PMM2: variants seen among roughly 807,000 people sequenced by gnomAD.
PMM2 encodes mannose-6-phosphate isomerase.
In PMM2, 35 loss-of-function variants were observed where a neutral mutation model predicts 33.2. That is an observed-to-expected ratio of 1.06 (90% confidence interval 0.81 to 1.40). The LOEUF is 1.40. PMM2 is among the 40% of genes most tolerant of loss of function. The probability of loss-of-function intolerance (pLI) is 0.00; values close to 1 mark genes in which losing one functional copy is unlikely to be tolerated. For synonymous variants in PMM2, 153 were observed against 114.7 expected (o/e 1.33, Z -2.13); for missense variants, 386 against 306.0 (o/e 1.26, Z -1.95).
At chr16:8,831,975 G>A (rs1419839983) in intron 7 of PMM2, 1 of 208,770 alleles carries the variant, frequency 4.8e-6, no homozygotes, top group Non-Finnish European at 8.3e-6. Context: ...CTTGGGAGGT[G>A]GCTGAGTTCC....
At chr16:8,819,071 C>A (rs758847162) in intron 7 of PMM2, among the ~76,000 whole-genome samples, 13 of 152,244 alleles carry the variant, frequency 8.5e-5, no homozygotes, top group Non-Finnish European at 1.6e-4. Context: ...TCATGAATAT[C>A]AAGCAGCTGG....
chr16:8,832,158 G>C, intron 7 of PMM2: 1 of 985,398 alleles, frequency 1.0e-6, no homozygotes, highest in Non-Finnish European at 1.2e-6. Flanking sequence ...CCCCAAGAAG[G>C]CTGCACCCCA....
At chr16:8,836,891 G>C (rs1478482738) in intron 7 of PMM2, among the ~76,000 whole-genome samples, 1 of 152,014 alleles carries the variant, frequency 6.6e-6, no homozygotes, top group Non-Finnish European at 1.5e-5. Context: ...CTTTGACTAT[G>C]CCTTTAGCTC....
intron 7 of PMM2, among the ~76,000 whole-genome samples, chr16:8,827,752 ATATATATATG>A (rs1207826868): frequency 5.0e-5 from 4 of 80,320 alleles, no homozygotes; most frequent in Admixed American, 1.5e-4. Flanking sequence ...ATATATATAT[ATATATATATG>A]CACACATTTA....
intron 7 of PMM2, among the ~76,000 whole-genome samples, chr16:8,840,117 A>C (rs2060880064): frequency 1.3e-5 from 2 of 151,826 alleles, no homozygotes; most frequent in Non-Finnish European, 2.9e-5. Flanking sequence ...CAAAGCCAGC[A>C]GTTGTTCACT....
At chr16:8,806,281 C>T (rs115791172) in intron 3 of PMM2, 35 bp from the exon 4 acceptor site, 1 of 1,389,382 alleles carries the variant, frequency 7.2e-7, no homozygotes, top group African/African-American at 1.4e-5. Flanking sequence ...AATGCTCCTG[C>T]TAAATCAAGT....
At chr16:8,844,849 G>T (rs972315848) in intron 7 of PMM2, among the ~76,000 whole-genome samples, 1 of 152,212 alleles carries the variant, frequency 6.6e-6, no homozygotes, top group Non-Finnish European at 1.5e-5. Context: ...GGATAGGGAG[G>T]TTGGAGAAGA....
intron 1 of PMM2, among the ~76,000 whole-genome samples, chr16:8,798,900 C>T (rs941089568): frequency 6.6e-6 from 1 of 152,122 alleles, no homozygotes; most frequent in Non-Finnish European, 1.5e-5. Context: ...ATGCGTGTGA[C>T]CTTAGACGTA....
In PMM2 at chr16:8,847,972, C is replaced by A. The variant is rs949146630; in HGVS notation, c.*147C>A. 7.7e-6 allele frequency: 5 copies of A among 645,362 alleles called. No individual in the cohort carries two copies. Among genetic ancestry groups the A allele is most frequent in the African/African-American group, 1.8e-5 (1 of 55,814 alleles). The allele number at this position is 645,362 out of a possible 1,614,324, so 40.0% of individuals were successfully genotyped here. A position where few individuals can be genotyped will look rare whatever the true frequency, so the allele number is the denominator to read the frequency against. On this transcript the variant is annotated 3_prime_UTR_variant, in exon 8 of 8. Transcript: ENST00000268261. ...TGCCAGGCATGTGCAGTCTGGACTT[C>A]CACCTCCAGTGCCAGAAACTTCCAG...
chr16:8,847,239 G>GT (rs1267109099), intron 7 of PMM2, among the ~76,000 whole-genome samples: 1 of 152,170 alleles, frequency 6.6e-6, no homozygotes, highest in East Asian at 1.9e-4. Flanking sequence ...AGTGTGCAGA[G>GT]TGACACATGG....
chr16:8,804,924 A>G, intron 3 of PMM2, 81 bp downstream of exon 3: 1 of 860,944 alleles, frequency 1.2e-6, no homozygotes, highest in Non-Finnish European at 2.0e-6. Flanking sequence ...TGCCTCTAGG[A>G]AGATGAGGAA....
intron 7 of PMM2, chr16:8,842,125 TAGGA>T (rs2060894755): frequency 6.6e-6 from 1 of 150,726 alleles, no homozygotes; most frequent in Admixed American, 6.6e-5. Flanking sequence ...TAACCATGCC[TAGGA>T]AGGAAGGGAG....
chr16:8,801,709 A>G, intron 1 of PMM2, 90 bp from the exon 2 acceptor site: 1 of 801,572 alleles, frequency 1.2e-6, no homozygotes, highest in Non-Finnish European at 2.0e-6. Flanking sequence ...ATAAGAAAAT[A>G]AGACTTATGT....
At chr16:8,836,182 T>G (rs145819182) in intron 7 of PMM2, among the ~76,000 whole-genome samples, 2,307 of 151,822 alleles carry the variant, frequency 0.015, 71 homozygotes, top group African/African-American at 0.053. Flanking sequence ...TCCGTATTGA[T>G]TAAGAAGGGG....
intron 7 of PMM2, among the ~76,000 whole-genome samples, chr16:8,834,705 C>T (rs1487070737): frequency 3.4e-3 from 510 of 151,532 alleles, no homozygotes; most frequent in Middle Eastern, 6.9e-3. Context: ...TTCTAAGAGG[C>T]GGGCTAGTGG....
chr16:8,810,887 C>G, intron 4 of PMM2, 192 bp from the exon 5 acceptor site: 1 of 611,820 alleles, frequency 1.6e-6, no homozygotes, highest in South Asian at 1.9e-5. Context: ...AATCTCAATT[C>G]ATATTAGCCA....
At chr16:8,824,635 T>C (rs1449708026) in intron 7 of PMM2, among the ~76,000 whole-genome samples, 1 of 152,116 alleles carries the variant, frequency 6.6e-6, no homozygotes, top group Non-Finnish European at 1.5e-5. Context: ...AAGCCAAATA[T>C]GCCTCTTTTG....
At chr16:8,846,242 A>G (rs1457478409) in intron 7 of PMM2, among the ~76,000 whole-genome samples, 1 of 152,126 alleles carries the variant, frequency 6.6e-6, no homozygotes, top group Non-Finnish European at 1.5e-5. Context: ...AAAAATGAAA[A>G]CACTCATTTC....
chr16:8,832,372 A>G (rs1393533389), intron 7 of PMM2: 3 of 985,264 alleles, frequency 3.0e-6, no homozygotes, highest in South Asian at 4.7e-5. Flanking sequence ...CTGGATGGGA[A>G]TTGATTCTCC....
Sources: allele counts gnomAD v4.1 joint callset (sites outside exome capture counted in the v4.1 genomes callset), GRCh38; gene constraint gnomAD v4.1.1; transcripts MANE v1.5; gene names NCBI Gene and HGNC (gene_info 2026-07-23, HGNC 2026-07-21).